Variants in SPART observed in about 807,000 individuals in gnomAD.
SPART encodes the protein spastic paraplegia 20 (Troyer syndrome).
In SPART, 35 loss-of-function variants were observed where a neutral mutation model predicts 58.7. The observed-to-expected ratio is 0.60, with a 90% CI of 0.46 to 0.79. The LOEUF (loss-of-function observed/expected upper bound fraction) is 0.79, where lower values mean the gene tolerates loss of function less well. Ranked by LOEUF, SPART falls within the 30% of genes least tolerant of loss-of-function variation. The probability of loss-of-function intolerance (pLI) is 0.00; values close to 1 mark genes in which losing one functional copy is unlikely to be tolerated. For synonymous variants in SPART, 284 were observed against 280.7 expected, an observed-to-expected ratio of 1.01 and a Z score of -0.12; for missense variants, 730 against 786.1, an observed-to-expected ratio of 0.93 and a Z score of 0.85.
At chr13:36,353,699 C>A (rs1395197591) in intron 1 of SPART, among the ~76,000 whole-genome samples, 1 of 152,114 alleles carries the variant, frequency 6.6e-6, no homozygotes, top group East Asian at 1.9e-4. Context: ...CACACCAGAA[C>A]TGTAATTAGG....
At chr13:36,341,413 C>T (rs903837280) in intron 1 of SPART, among the ~76,000 whole-genome samples, 9 of 152,062 alleles carry the variant, frequency 5.9e-5, no homozygotes, top group Non-Finnish European at 1.5e-5. Context: ...AATATAAAAA[C>T]TTTCAGTTAA....
intron 8 of SPART, among the ~76,000 whole-genome samples, chr13:36,307,814 G>T (rs1487150982): frequency 6.6e-6 from 1 of 151,990 alleles, no homozygotes; most frequent in Non-Finnish European, 1.5e-5. Flanking sequence ...GAATCTTAAT[G>T]AATATTTTTT....
chr13:36,348,166 G>C (rs1172743213), upstream of SPART, among the ~76,000 whole-genome samples: 1 of 152,012 alleles, frequency 6.6e-6, no homozygotes, highest in Non-Finnish European at 1.5e-5. Flanking sequence ...CACATCTGTA[G>C]TCCCAGTTAC....
intron 1 of SPART, among the ~76,000 whole-genome samples, chr13:36,356,549 C>T (rs778941586): frequency 4.6e-5 from 7 of 152,206 alleles, no homozygotes; most frequent in East Asian, 3.9e-4. Context: ...CAAACTCAAC[C>T]GTTGACCAGA....
At chr13:36,363,405 C>T (rs1885942280) in intron 1 of SPART, among the ~76,000 whole-genome samples, 1 of 151,970 alleles carries the variant, frequency 6.6e-6, no homozygotes, top group Admixed American at 6.6e-5. Context: ...CTTTCTTTCT[C>T]TCTCTCTCTC....
chr13:36,324,559 A>G (rs1054473399), intron 5 of SPART, among the ~76,000 whole-genome samples: 2 of 152,168 alleles, frequency 1.3e-5, no homozygotes, highest in African/African-American at 4.8e-5. Context: ...TCCTGCTGTG[A>G]CCTTTCCAAA....
chr13:36,349,753 T>C (rs1885340812), upstream of SPART, among the ~76,000 whole-genome samples: 2 of 152,244 alleles, frequency 1.3e-5, no homozygotes, highest in Non-Finnish European at 2.9e-5. Context: ...TTATCTGTTA[T>C]CTCTGTGGAA....
In SPART at chr13:36,304,394, C is replaced by T; in HGVS notation, c.1972G>A (p.Val658Ile). 1 of 1,613,862 alleles carries T rather than the reference C, an allele frequency of 6.2e-7. No individual in the cohort carries two copies. Among genetic ancestry groups the T allele is most frequent in the Non-Finnish European group, 8.5e-7 (1 of 1,179,824 alleles). The change falls in exon 9 of 9, where the codon GTA becomes ATA. Residue 658 changes from valine (V) to isoleucine (I), a missense_variant. Physicochemically the swap from Val to Ile is conservative, Grantham distance 29. Transcript: ENST00000438666. ...TTATCTTTCTTCTTTGCCTCCTTTA[C>T]TTCCTTCGTCTGCTCATCCTTCTCC... ...RGEKDEQTKEVKEAKKKDK is the reference protein window; with the variant it reads ...RGEKDEQTKEIKEAKKKDK
intron 1 of SPART, among the ~76,000 whole-genome samples, chr13:36,356,755 G>A (rs567954260): frequency 1.3e-5 from 2 of 152,258 alleles, no homozygotes; most frequent in African/African-American, 4.8e-5. Flanking sequence ...CACAGACCAC[G>A]ATCACTCATA....
At chr13:36,352,896 G>C (rs954891922) in intron 1 of SPART, among the ~76,000 whole-genome samples, 4 of 152,130 alleles carry the variant, frequency 2.6e-5, no homozygotes, top group Non-Finnish European at 4.4e-5. Context: ...GGAGGTCAAG[G>C]CTACAGTGAG....
At chr13:36,341,459 C>T (rs1884581515) in intron 1 of SPART, among the ~76,000 whole-genome samples, 1 of 152,074 alleles carries the variant, frequency 6.6e-6, no homozygotes, top group African/African-American at 2.4e-5. Context: ...ATGAAGTCTT[C>T]AAAACTCAGT....
At chr13:36,354,653 G>A (rs781496681) in intron 1 of SPART, among the ~76,000 whole-genome samples, 9 of 152,204 alleles carry the variant, frequency 5.9e-5, no homozygotes, top group Non-Finnish European at 1.3e-4. Context: ...CTTTGCCTCT[G>A]TGCACCTTTT....
chr13:36,313,551 G>C (rs1394782046), intron 6 of SPART, among the ~76,000 whole-genome samples: 1 of 152,138 alleles, frequency 6.6e-6, no homozygotes, highest in Non-Finnish European at 1.5e-5. Context: ...GACACTTCTG[G>C]TAAGTGCTCT....
intron 5 of SPART, among the ~76,000 whole-genome samples, chr13:36,321,212 C>T (rs1882345526): frequency 6.6e-6 from 1 of 152,202 alleles, no homozygotes; most frequent in Non-Finnish European, 1.5e-5. Flanking sequence ...CTCCTATTCA[C>T]CGTTCTCAAC....
chr13:36,344,175 CCGT>C (rs1884838742), intron 1 of SPART, among the ~76,000 whole-genome samples: 1 of 151,880 alleles, frequency 6.6e-6, no homozygotes, highest in Non-Finnish European at 1.5e-5. Flanking sequence ...CCAGAGTGTC[CCGT>C]CGTAGAAAGT....
At chr13:36,318,999 C>G (rs1046732830) in intron 5 of SPART, among the ~76,000 whole-genome samples, 4 of 152,050 alleles carry the variant, frequency 2.6e-5, no homozygotes, top group Non-Finnish European at 4.4e-5. Context: ...GGAAGGTAAG[C>G]CCGTCCCCTT....
intron 1 of SPART, among the ~76,000 whole-genome samples, chr13:36,344,215 G>C (rs1000930853): frequency 3.3e-5 from 5 of 152,104 alleles, no homozygotes; most frequent in African/African-American, 1.2e-4. Flanking sequence ...TCAATAGGTA[G>C]CATTTGAAAG....
At chr13:36,316,355 C>T (rs1035240707) in intron 5 of SPART, among the ~76,000 whole-genome samples, 5 of 152,226 alleles carry the variant, frequency 3.3e-5, no homozygotes, top group East Asian at 3.8e-4. Flanking sequence ...GCCAAGCCAT[C>T]GCATCCCCTG....
intron 1 of SPART, among the ~76,000 whole-genome samples, chr13:36,345,880 C>G (rs1162055968): frequency 6.6e-6 from 1 of 152,000 alleles, no homozygotes. Flanking sequence ...GGGGTTGGGG[C>G]GGCGAGAATG....
Sources: allele counts gnomAD v4.1 joint callset (sites outside exome capture counted in the v4.1 genomes callset), GRCh38; gene constraint gnomAD v4.1.1; transcripts MANE v1.5; gene names NCBI Gene and HGNC (gene_info 2026-07-23, HGNC 2026-07-21).